The following IQSEC1 variants were observed in gnomAD, a reference collection of about 807,000 sequenced individuals.
The protein encoded by IQSEC1 is IQ motif and SEC7 domain-containing protein 1.
In IQSEC1, 31 loss-of-function variants were observed where a neutral mutation model predicts 91.0. The ratio of observed to expected loss-of-function variants is 0.34; its 90% CI spans 0.26 to 0.46. The LOEUF is 0.46. Ranked by LOEUF, IQSEC1 falls within the 20% of genes least tolerant of loss-of-function variation. The pLI is 1.00. For missense variants in IQSEC1, 1,388 were observed against 1,575.6 expected (o/e 0.88, Z 2.02); for synonymous variants, 699 against 662.6 (o/e 1.05, Z -0.84).
rs1009158187 is a variant in IQSEC1 at position 13,103,595 on chromosome 3, G to A, written c.303-56073C>T. Among the ~76,000 whole-genome samples, 4 of 152,090 alleles carry A rather than the reference G, an allele frequency of 2.6e-5. No homozygotes were observed. The highest frequency in any genetic ancestry group is 4.4e-5 in the Non-Finnish European group (3 of 68,022). On this transcript the variant is annotated intron_variant, in intron 2 of 15. Transcript: ENST00000648114. This position sits in a 1 kb window ranked among gnomAD's most constrained non-coding sequence, Gnocchi z 4.1. ...GCAGCAGCTGGCAAGAGCCAGAGCCGAGTGTGCCATTGGGGTGGGCAATTT... is the reference window on the plus strand; with the variant it reads ...GCAGCAGCTGGCAAGAGCCAGAGCCAAGTGTGCCATTGGGGTGGGCAATTT...
At chr3:13,094,180 G>A (rs1705916344) in intron 2 of IQSEC1, among the ~76,000 whole-genome samples, 1 of 152,224 alleles carries the variant, frequency 6.6e-6, no homozygotes. Flanking sequence ...GTGGCACCTC[G>A]TATCACAGTG....
At chr3:13,040,844 G>A (rs897203884) in intron 1 of IQSEC1, among the ~76,000 whole-genome samples, 24 of 152,068 alleles carry the variant, frequency 1.6e-4, no homozygotes, top group Non-Finnish European at 2.8e-4. Flanking sequence ...TGAAGCCCCC[G>A]CACCCAGCCC....
chr3:13,207,751 G>GC lies in IQSEC1; in HGVS notation c.273-43619dup, dbSNP rs200536034. 6.6e-6 allele frequency among the ~76,000 whole-genome samples: 1 copy of GC among 152,010 alleles called. No homozygotes were observed. Among genetic ancestry groups the GC allele is most frequent in the Non-Finnish European group, 1.5e-5 (1 of 68,002 alleles). On this transcript the variant is annotated intron_variant, in intron 1 of 15. Coordinates refer to the IQSEC1 transcript ENST00000648114. The surrounding 1 kb of genome is among the most constrained non-coding windows in gnomAD (Gnocchi z 4.8). ...ACGCCATCGCCAGCTCTCCCGGGAG[G>GC]CTCTCTCTCACCATCGCATCTAAAC...
chr3:12,971,687 TCCAG>T (rs1315533444), intron 1 of IQSEC1, among the ~76,000 whole-genome samples: 1 of 152,212 alleles, frequency 6.6e-6, no homozygotes, highest in Non-Finnish European at 1.5e-5. Context: ...GCCATTGCAC[TCCAG>T]CCTGGGAGAC....
chr3:13,243,394 G>A (rs1317730734), intron 1 of IQSEC1, among the ~76,000 whole-genome samples: 1 of 152,214 alleles, frequency 6.6e-6, no homozygotes, highest in African/African-American at 2.4e-5. Flanking sequence ...GCCCTGCGGA[G>A]GCCCCAGGGC....
chr3:13,071,161 T>TG (rs1309462165), intron 1 of IQSEC1, among the ~76,000 whole-genome samples: 16 of 120,728 alleles, frequency 1.3e-4, no homozygotes, highest in African/African-American at 4.6e-4. Context: ...TTGTTTTTTT[T>TG]TTTTTGTTTG....
intron 1 of IQSEC1, among the ~76,000 whole-genome samples, chr3:12,980,832 G>C (rs188103449): frequency 6.6e-6 from 1 of 152,312 alleles, no homozygotes; most frequent in East Asian, 1.9e-4. Context: ...AGGGACCCAA[G>C]TAGGGCTGCG....
At chr3:13,005,522 C>T (rs1451127579) in intron 1 of IQSEC1, among the ~76,000 whole-genome samples, 2 of 152,162 alleles carry the variant, frequency 1.3e-5, no homozygotes, top group South Asian at 2.1e-4. Context: ...GGCAGGCAGG[C>T]AGGAGGCGCC....
At chr3:12,951,550 A>G (rs1699547593) in intron 1 of IQSEC1, among the ~76,000 whole-genome samples, 1 of 152,224 alleles carries the variant, frequency 6.6e-6, no homozygotes, top group Non-Finnish European at 1.5e-5. Context: ...AGTGCCGGTC[A>G]GCCATACCCA....
chr3:13,257,166 A>G (rs1695303317), intron 1 of IQSEC1, among the ~76,000 whole-genome samples: 1 of 152,162 alleles, frequency 6.6e-6, no homozygotes, highest in Non-Finnish European at 1.5e-5. Context: ...CAAGACTACA[A>G]GGGAGTCAGG....
chr3:13,252,570 T>A (rs1022411405), intron 1 of IQSEC1, among the ~76,000 whole-genome samples: 4 of 152,200 alleles, frequency 2.6e-5, no homozygotes, highest in Admixed American at 2.6e-4. Context: ...ACAAGTGGGA[T>A]TGCGGGATGC....
intron 1 of IQSEC1, among the ~76,000 whole-genome samples, chr3:13,194,826 G>T (rs539220367): frequency 1.2e-4 from 19 of 152,266 alleles, no homozygotes; most frequent in African/African-American, 4.3e-4. Context: ...GCAAACTCCA[G>T]CCTCAACCTC....
In IQSEC1 at chr3:13,103,501, T is replaced by G. The variant is rs1706097176; in HGVS notation, c.303-55979A>C. Among the ~76,000 whole-genome samples the G allele has an allele frequency of 1.3e-5, 2 of 151,856 alleles. No individual in the cohort carries two copies. The highest frequency in any genetic ancestry group is 2.4e-5 in the African/African-American group (1 of 41,318). ...AGCTGGCCGTGCTGCCTGGATGCCA[T>G]CCACACCTGTCCCCGAGGAAGGGGC... On this transcript the variant is annotated intron_variant, in intron 2 of 15. Coordinates refer to the IQSEC1 transcript ENST00000648114. The surrounding 1 kb of genome is among the most constrained non-coding windows in gnomAD (Gnocchi z 4.1).
In IQSEC1 at chr3:13,008,232, G is replaced by C. The variant is rs544150160; in HGVS notation, c.23+64760C>G. Reference sequence around the variant, plus strand: ...ACCACCTTGTCACCCTCCGTCTGGGGTCTGAGGCCAAGCTGGACACCTCTC... The same window carrying C: ...ACCACCTTGTCACCCTCCGTCTGGGCTCTGAGGCCAAGCTGGACACCTCTC... On this transcript the variant is annotated intron_variant, in intron 1 of 13. Coordinates refer to ENST00000613206, the MANE Select transcript of IQSEC1 (RefSeq NM_001134382.3). This position sits in a 1 kb window ranked among gnomAD's most constrained non-coding sequence, Gnocchi z 4.1. Among the ~76,000 whole-genome samples, 2 of 151,342 alleles carry C rather than the reference G, an allele frequency of 1.3e-5. No individual in the cohort carries two copies. Among genetic ancestry groups the C allele is most frequent in the Admixed American group, 1.3e-4 (2 of 15,274 alleles).
In IQSEC1 at chr3:12,992,381, T is replaced by G. The variant is rs1261815812; in HGVS notation, c.24-50516A>C. On this transcript the variant is annotated intron_variant, in intron 1 of 13. Coordinates refer to ENST00000613206, the MANE Select transcript of IQSEC1 (RefSeq NM_001134382.3). This position sits in a 1 kb window ranked among gnomAD's most constrained non-coding sequence, Gnocchi z 4.1. ...AGGAGATGGCACCGCTAAGGCAATT[T>G]CTCTTCTTTCCCCTTAAATCTGGTT... Among the ~76,000 whole-genome samples the G allele has an allele frequency of 6.6e-6, 1 of 151,852 alleles. No homozygotes were observed. Among genetic ancestry groups the G allele is most frequent in the Non-Finnish European group, 1.5e-5 (1 of 67,916 alleles).
chr3:12,962,832 G>A (rs1700327510), intron 1 of IQSEC1, among the ~76,000 whole-genome samples: 1 of 152,222 alleles, frequency 6.6e-6, no homozygotes, highest in Non-Finnish European at 1.5e-5. Flanking sequence ...GAGACAAGAT[G>A]CCAGGAAGGC....
intron 1 of IQSEC1, chr3:13,015,451 CAG>C (rs748752139): frequency 7.8e-6 from 4 of 509,608 alleles, no homozygotes; most frequent in African/African-American, 6.2e-5. Context: ...CTCTGAGAAA[CAG>C]TGAAAACTCT....
At chr3:13,017,335 C>T (rs1703183474) in intron 1 of IQSEC1, among the ~76,000 whole-genome samples, 1 of 152,256 alleles carries the variant, frequency 6.6e-6, no homozygotes, top group African/African-American at 2.4e-5. Context: ...TCACTCACTG[C>T]TGTATCCCCA....
At chr3:13,097,587 C>T (rs1705986866) in intron 2 of IQSEC1, among the ~76,000 whole-genome samples, 1 of 152,228 alleles carries the variant, frequency 6.6e-6, no homozygotes, top group African/African-American at 2.4e-5. Flanking sequence ...GCCCCCACCT[C>T]CCAACTCCCG....
Sources: gnomAD v4.1 joint callset for allele counts (sites outside exome capture counted in the v4.1 genomes callset) on GRCh38, gnomAD v4.1.1 for gene constraint, Gnocchi (gnomAD v3.1) non-coding constraint, MANE v1.5 for transcripts, NCBI Gene and HGNC (gene_info 2026-07-23, HGNC 2026-07-21) for gene names.